Variants in LRRC37A2 observed in about 807,000 individuals in gnomAD.
The protein encoded by LRRC37A2 is leucine-rich repeat-containing protein 37A2.
In LRRC37A2, 9 loss-of-function variants were observed where a neutral mutation model predicts 68.8. That is an observed-to-expected ratio of 0.13 (90% CI 0.08 to 0.23). The LOEUF (loss-of-function observed/expected upper bound fraction) is 0.23. LRRC37A2 is among the 10% of genes least tolerant of loss of function. LRRC37A2 has a pLI of 1.00. For synonymous variants in LRRC37A2, 63 were observed against 367.6 expected (o/e 0.17, Z 9.48); for missense variants, 168 against 950.4 (o/e 0.18, Z 10.82).
chr17:47,021,876 A>C, the LRRC37A2 span: 18 of 1,519,676 alleles, frequency 1.2e-5, no homozygotes, highest in South Asian at 1.9e-4. Context: ...TATATTTCTT[A>C]CATTGATGGA....
chr17:46,978,479 C>G, the LRRC37A2 span: 1 of 743,468 alleles, frequency 1.3e-6, no homozygotes, highest in Admixed American at 3.2e-5. Context: ...GCGTCCAAGT[C>G]CCTTCCCGCG....
At chr17:46,777,062 C>T in the LRRC37A2 span, among the ~76,000 whole-genome samples, 4 of 152,208 alleles carry the variant, frequency 2.6e-5, no homozygotes, top group Admixed American at 1.3e-4. Context: ...AAACAGAGGC[C>T]GACCATGCCA....
chr17:46,965,182 A>G, the LRRC37A2 span: 4 of 152,290 alleles, frequency 2.6e-5, no homozygotes, highest in Non-Finnish European at 5.9e-5. Context: ...GGCCCAGGGC[A>G]TAGTGGAAGG....
chr17:47,035,769 C>T, the LRRC37A2 span, among the ~76,000 whole-genome samples: 3 of 152,228 alleles, frequency 2.0e-5, no homozygotes, highest in African/African-American at 7.2e-5. Flanking sequence ...CCATTTTACA[C>T]TTCCATCTGC....
the LRRC37A2 span, among the ~76,000 whole-genome samples, chr17:47,020,052 G>C: frequency 6.7e-6 from 1 of 150,060 alleles, no homozygotes; most frequent in East Asian, 1.9e-4. Flanking sequence ...TCACATCATT[G>C]CTTAACCGCT....
chr17:46,838,278 C>T, the LRRC37A2 span, among the ~76,000 whole-genome samples: 18 of 151,234 alleles, frequency 1.2e-4, no homozygotes, highest in Admixed American at 6.6e-4. Context: ...TGAGGAACAG[C>T]CGAGTGGGTC....
At chr17:47,048,030 T>C in the LRRC37A2 span, among the ~76,000 whole-genome samples, 1 of 142,468 alleles carries the variant, frequency 7.0e-6, no homozygotes. Flanking sequence ...AAAGTCAGTG[T>C]TGCTTATTTT....
chr17:46,852,613 T>G, the LRRC37A2 span, among the ~76,000 whole-genome samples: 1 of 151,888 alleles, frequency 6.6e-6, no homozygotes, highest in Non-Finnish European at 1.5e-5. Context: ...AGGGATTTGG[T>G]GAGGGATGGG....
At chr17:47,022,380 G>T in the LRRC37A2 span, among the ~76,000 whole-genome samples, 3 of 149,044 alleles carry the variant, frequency 2.0e-5, no homozygotes, top group Non-Finnish European at 4.5e-5. Context: ...ATGCTGCTTA[G>T]GCTGGTCTTG....
At chr17:46,859,383 T>G in the LRRC37A2 span, among the ~76,000 whole-genome samples, 1 of 152,214 alleles carries the variant, frequency 6.6e-6, no homozygotes, top group East Asian at 1.9e-4. Context: ...TCCACGTGTT[T>G]CAGTGCCATT....
the LRRC37A2 span, among the ~76,000 whole-genome samples, chr17:46,742,773 G>A: frequency 3.9e-5 from 6 of 152,238 alleles, no homozygotes; most frequent in Middle Eastern, 3.4e-3. Flanking sequence ...GATGATACGT[G>A]GTTTCTACCA....
At chr17:46,935,295 C>T in the LRRC37A2 span, 58 of 1,564,966 alleles carry the variant, frequency 3.7e-5, 1 homozygote, top group Non-Finnish European at 2.6e-6. Flanking sequence ...AAGACAGAGC[C>T]CTTGAGTTTG....
chr17:46,814,818 G>C, the LRRC37A2 span, among the ~76,000 whole-genome samples: 2 of 152,270 alleles, frequency 1.3e-5, no homozygotes, highest in East Asian at 1.9e-4. Flanking sequence ...GGAGGTGGGA[G>C]TGGGTGGGAG....
At chr17:46,833,517 G>C in the LRRC37A2 span, 1 of 444,764 alleles carries the variant, frequency 2.2e-6, no homozygotes, top group African/African-American at 2.0e-5. Flanking sequence ...ACTTCTCTCT[G>C]AGCTTTCCGA....
At chr17:46,694,373 C>G in the LRRC37A2 span, 1 of 870,764 alleles carries the variant, frequency 1.1e-6, no homozygotes, top group Non-Finnish European at 1.7e-6. Context: ...GGAAACAGAG[C>G]GAGACTCTGT....
the LRRC37A2 span, chr17:46,978,984 G>T: frequency 2.1e-6 from 3 of 1,444,996 alleles, no homozygotes; most frequent in South Asian, 1.4e-5. Context: ...CCAAGCCGCT[G>T]TGGTTCAGGA....
chr17:46,622,248 G>GGTGGATCACA, the LRRC37A2 span, among the ~76,000 whole-genome samples: 6 of 144,140 alleles, frequency 4.2e-5, no homozygotes, highest in Non-Finnish European at 4.5e-5. Flanking sequence ...ACAAGGTCAG[G>GGTGGATCACA]AGATCGAGAC....
chr17:46,732,806 T>C, the LRRC37A2 span, among the ~76,000 whole-genome samples: 1 of 152,078 alleles, frequency 6.6e-6, no homozygotes, highest in Non-Finnish European at 1.5e-5. Context: ...CGAGAGGGGA[T>C]AGAAAAATTG....
the LRRC37A2 span, among the ~76,000 whole-genome samples, chr17:46,828,118 G>A: frequency 4.6e-5 from 7 of 151,942 alleles, no homozygotes; most frequent in Non-Finnish European, 8.8e-5. Context: ...ATGAGCCACC[G>A]GGCCTGGCCA....
Sources: allele counts gnomAD v4.1 joint callset (sites outside exome capture counted in the v4.1 genomes callset), GRCh38; gene constraint gnomAD v4.1.1; transcripts MANE v1.5; gene names NCBI Gene and HGNC (gene_info 2026-07-23, HGNC 2026-07-21).